The following ITGA9 variants were observed in gnomAD, a reference collection of about 807,000 sequenced individuals.
ITGA9 encodes integrin alpha-9.
Under a neutral mutation model 127.8 loss-of-function variants are expected in ITGA9, and 56 were observed. The ratio of observed to expected loss-of-function variants is 0.44; its 90% CI spans 0.35 to 0.55. The LOEUF is 0.55. Among genes scored for constraint, ITGA9 ranks in the 20% least tolerant of loss-of-function variants. The pLI is 0.00. For missense variants in ITGA9, 1,196 were observed against 1,347.1 expected, an observed-to-expected ratio of 0.89 and a Z score of 1.76; for synonymous variants, 508 against 514.5, an observed-to-expected ratio of 0.99 and a Z score of 0.17.
chr3:37,555,615 G>A (rs1233462539), intron 15 of ITGA9, among the ~76,000 whole-genome samples: 2 of 152,194 alleles, frequency 1.3e-5, no homozygotes, highest in East Asian at 1.9e-4. Flanking sequence ...CAAGGCACTA[G>A]TCACACAGAT....
intron 15 of ITGA9, among the ~76,000 whole-genome samples, chr3:37,592,076 G>A (rs765815026): frequency 2.6e-5 from 4 of 152,100 alleles, no homozygotes; most frequent in Non-Finnish European, 4.4e-5. Context: ...TTCTGAGATG[G>A]TAGAGAACCC....
chr3:37,658,537 G>C (rs776467741), intron 17 of ITGA9, among the ~76,000 whole-genome samples: 34 of 151,986 alleles, frequency 2.2e-4, no homozygotes, highest in Non-Finnish European at 4.0e-4. Flanking sequence ...CCATTTGCTT[G>C]GTAAATATTC....
intron 18 of ITGA9, among the ~76,000 whole-genome samples, chr3:37,693,819 C>T (rs1261111395): frequency 6.6e-6 from 1 of 152,192 alleles, no homozygotes; most frequent in Non-Finnish European, 1.5e-5. Flanking sequence ...TTACAGCCTT[C>T]CTTCACTGCC....
chr3:37,604,686 C>T (rs1046760345), intron 15 of ITGA9, among the ~76,000 whole-genome samples: 2 of 152,204 alleles, frequency 1.3e-5, no homozygotes, highest in African/African-American at 4.8e-5. Flanking sequence ...CACTGTCGAA[C>T]AGGAACCCAA....
intron 15 of ITGA9, among the ~76,000 whole-genome samples, chr3:37,612,121 T>C (rs1700022789): frequency 6.6e-6 from 1 of 152,162 alleles, no homozygotes; most frequent in South Asian, 2.1e-4. Context: ...ACATAATGTT[T>C]CTGCAGTTTT....
intron 22 of ITGA9, among the ~76,000 whole-genome samples, chr3:37,747,536 C>G (rs1696517159): frequency 2.1e-5 from 3 of 143,726 alleles, no homozygotes; most frequent in African/African-American, 7.7e-5. Flanking sequence ...CCCCCCGCCA[C>G]AGCCATCCCC....
intron 23 of ITGA9, among the ~76,000 whole-genome samples, chr3:37,776,893 G>C (rs927198211): frequency 6.6e-6 from 1 of 152,140 alleles, no homozygotes; most frequent in African/African-American, 2.4e-5. Context: ...GGACCCCTAA[G>C]GAGTTTTACA....
At position 37,582,842 on chromosome 3, in the gene ITGA9, T is replaced by G. The variant is rs1699722805; in HGVS notation, c.1689+40257T>G. ...CAAAAGAAGATGTCTGTTCCACTTCTGGCCTAAGCAATCCTCAAGCCTCTA... is the reference window on the plus strand; with the variant it reads ...CAAAAGAAGATGTCTGTTCCACTTCGGGCCTAAGCAATCCTCAAGCCTCTA... On this transcript the variant is annotated intron_variant, in intron 15 of 27. Transcript: ENST00000264741. Among the ~76,000 whole-genome samples, 15 of 152,362 alleles carry G rather than the reference T, an allele frequency of 9.8e-5. No individual in the cohort carries two copies. The South Asian group carries it at 3.1e-3, about 32-fold the overall frequency.
chr3:37,538,082 G>A (rs1156836176), intron 14 of ITGA9, among the ~76,000 whole-genome samples: 1 of 152,210 alleles, frequency 6.6e-6, no homozygotes, highest in Non-Finnish European at 1.5e-5. Flanking sequence ...CAAGCTGGCA[G>A]TTCTGGGCTT....
Position 37,564,550 on chromosome 3 carries a change from A to G in ITGA9, c.1689+21965A>G, listed in dbSNP as rs551478085. Reference sequence around the variant, plus strand: ...CAGCCTTGATTGATTGCTGGTCTTAATGGAAGAAAATGTGATCCTTTCTCT... The same window carrying G: ...CAGCCTTGATTGATTGCTGGTCTTAGTGGAAGAAAATGTGATCCTTTCTCT... On this transcript the variant is annotated intron_variant, in intron 15 of 27. Transcript: ENST00000264741. Among the ~76,000 whole-genome samples the G allele has an allele frequency of 2.1e-4, 32 of 152,378 alleles. 2 individuals are homozygous for G. In the South Asian group the frequency reaches 2.5e-3, roughly 12 times the overall value.
intron 18 of ITGA9, among the ~76,000 whole-genome samples, chr3:37,689,144 C>T (rs1387045701): frequency 1.3e-5 from 2 of 152,218 alleles, no homozygotes; most frequent in East Asian, 3.8e-4. Context: ...CCAAGGTTAC[C>T]TATCTTCTCT....
At chr3:37,678,548 G>A (rs559562350) in intron 17 of ITGA9, among the ~76,000 whole-genome samples, 7 of 152,194 alleles carry the variant, frequency 4.6e-5, no homozygotes, top group African/African-American at 1.7e-4. Flanking sequence ...TAATAATGAT[G>A]GTGTAATGAG....
chr3:37,599,321 C>T (rs770562525), intron 15 of ITGA9, among the ~76,000 whole-genome samples: 1 of 152,300 alleles, frequency 6.6e-6, no homozygotes, highest in South Asian at 2.1e-4. Context: ...AGCTTGCAGG[C>T]TGGCTGGAGG....
intron 18 of ITGA9, among the ~76,000 whole-genome samples, chr3:37,706,519 T>G (rs1021066453): frequency 2.0e-5 from 3 of 152,152 alleles, no homozygotes; most frequent in African/African-American, 7.2e-5. Context: ...GTGCTAAGAC[T>G]TTTTTGAGAA....
At chr3:37,587,520 A>G (rs1699770521) in intron 15 of ITGA9, among the ~76,000 whole-genome samples, 1 of 152,190 alleles carries the variant, frequency 6.6e-6, no homozygotes, top group East Asian at 1.9e-4. Flanking sequence ...AACCAAACCA[A>G]GAACCCACCC....
chr3:37,670,345 T>A (rs1700625730), intron 17 of ITGA9, among the ~76,000 whole-genome samples: 1 of 152,142 alleles, frequency 6.6e-6, no homozygotes, highest in African/African-American at 2.4e-5. Context: ...TCCTTCCCTC[T>A]GTCCATCACA....
At chr3:37,502,663 A>G (rs182110852) in intron 5 of ITGA9, among the ~76,000 whole-genome samples, 1 of 152,272 alleles carries the variant, frequency 6.6e-6, no homozygotes, top group East Asian at 1.9e-4. Context: ...ACCATGTTCT[A>G]GAACGTCCCT....
intron 17 of ITGA9, among the ~76,000 whole-genome samples, chr3:37,667,991 G>A (rs1193077111): frequency 2.6e-5 from 4 of 152,096 alleles, no homozygotes; most frequent in Non-Finnish European, 1.5e-5. Flanking sequence ...TCCTGAATGC[G>A]AGGCTCCAAG....
At chr3:37,695,307 T>C (rs944383195) in intron 18 of ITGA9, among the ~76,000 whole-genome samples, 2 of 152,174 alleles carry the variant, frequency 1.3e-5, no homozygotes, top group African/African-American at 4.8e-5. Context: ...ACAGTGTGCA[T>C]GTAAAGGGAG....
Sources: allele counts gnomAD v4.1 joint callset (sites outside exome capture counted in the v4.1 genomes callset), GRCh38; gene constraint gnomAD v4.1.1; transcripts MANE v1.5; gene names NCBI Gene and HGNC (gene_info 2026-07-23, HGNC 2026-07-21).